Variants in EIF4E3 observed in about 807,000 individuals in gnomAD.
EIF4E3 encodes eukaryotic translation initiation factor 4E type 3.
In EIF4E3, 26 loss-of-function variants were observed where a neutral mutation model predicts 31.7. That is an observed-to-expected ratio of 0.82 (90% CI 0.60 to 1.14). The LOEUF is 1.14. EIF4E3 is among the 50% of genes most tolerant of loss of function. EIF4E3 has a pLI of 0.00. For missense variants in EIF4E3, 304 were observed against 270.9 expected, an observed-to-expected ratio of 1.12 and a Z score of -0.86; for synonymous variants, 128 against 107.7, an observed-to-expected ratio of 1.19 and a Z score of -1.17.
Position 71,725,237 on chromosome 3 carries a change from G to T in EIF4E3, c.131C>A (p.Pro44Gln), listed in dbSNP as rs867490944. ...LQQLSALQPEPGGVPLHSSWT... is the reference protein window; with the variant it reads ...LQQLSALQPEQGGVPLHSSWT... ...GGACGAGTGCAGCGGGACCCCGCCC[G>T]GCTCAGGCTGCAGCGCCGACAGCTG... Residue 44 changes from proline (P) to glutamine (Q), a missense_variant, in exon 1 of 7, where the codon CCG becomes CAG. Pro to Gln is a moderately conservative substitution (Grantham distance 76). Coordinates refer to ENST00000425534, the MANE Select transcript of EIF4E3 (RefSeq NM_001134651.2). This position sits in a 1 kb window ranked among gnomAD's most constrained non-coding sequence, Gnocchi z 6.1. 8.9e-7 allele frequency: 1 copy of T among 1,124,028 alleles called. No homozygotes were observed. Among genetic ancestry groups the T allele is most frequent in the Non-Finnish European group, 1.1e-6 (1 of 914,060 alleles). The allele number at this position is 1,124,028 out of a possible 1,614,324, so 69.6% of individuals were successfully genotyped here. A position where few individuals can be genotyped will look rare whatever the true frequency, so the allele number is the denominator to read the frequency against.
upstream of EIF4E3, chr3:71,725,484 C>CCGCCCGA (rs1559608410): frequency 5.6e-6 from 1 of 179,384 alleles, no homozygotes; most frequent in Non-Finnish European, 7.6e-6. The surrounding 1 kb of genome is among the most constrained non-coding windows in gnomAD (Gnocchi z 6.1). Flanking sequence ...CCCGGGCTAG[C>CCGCCCGA]CGCCCGCCGC....
At position 71,680,323 on chromosome 3, in the gene EIF4E3, A is replaced by C. The variant is rs2048908646; in HGVS notation, c.*4359T>G. The C allele has an allele frequency of 6.6e-6, 1 of 152,224 alleles. No individual in the cohort carries two copies. Among genetic ancestry groups the C allele is most frequent in the Non-Finnish European group, 1.5e-5 (1 of 68,040 alleles). 9.4% of individuals were successfully genotyped at this position (152,224 alleles called of 1,614,324 possible). On this transcript the variant is annotated 3_prime_UTR_variant, in exon 7 of 7. Transcript: ENST00000425534. ...TTGTTAAAAATGCAGATATCCTCCC[A>C]GATTTCTAGTGCTGGGGTCAAGAAA... is the stretch of plus-strand genomic sequence containing the variant.
chr3:71,686,311 A>G (rs913315426), intron 6 of EIF4E3, among the ~76,000 whole-genome samples: 1 of 152,078 alleles, frequency 6.6e-6, no homozygotes, highest in African/African-American at 2.4e-5. Context: ...CATAAGGACT[A>G]AATTCTTCAG....
upstream of EIF4E3, chr3:71,729,210 C>T (rs1254554053): frequency 6.6e-6 from 1 of 152,216 alleles, no homozygotes; most frequent in Non-Finnish European, 1.5e-5. Context: ...ACATCTGCTC[C>T]CTGGGAGTCA....
At chr3:71,744,314 A>G (rs1190757830) in intron 1 of EIF4E3, among the ~76,000 whole-genome samples, 2 of 152,250 alleles carry the variant, frequency 1.3e-5, no homozygotes, top group African/African-American at 2.4e-5. Context: ...AGATAGGTAG[A>G]TGGCAAATAA....
At chr3:71,725,999 C>G (rs2049633372), upstream of EIF4E3, among the ~76,000 whole-genome samples, 1 of 152,002 alleles carries the variant, frequency 6.6e-6, no homozygotes, top group African/African-American at 2.4e-5. This position sits in a 1 kb window ranked among gnomAD's most constrained non-coding sequence, Gnocchi z 6.1. Flanking sequence ...CTCCAGTGCC[C>G]GCGAGTACAG....
chr3:71,713,148 C>G (rs1257829499), intron 1 of EIF4E3, among the ~76,000 whole-genome samples: 1 of 152,176 alleles, frequency 6.6e-6, no homozygotes, highest in East Asian at 1.9e-4. Flanking sequence ...AGCCTCTGAC[C>G]TCCGTTGAAG....
At position 71,675,910 on chromosome 3, in the gene EIF4E3, C is replaced by A. The variant is rs951772797; in HGVS notation, c.*8772G>T. The A allele has an allele frequency of 6.6e-6, 1 of 152,202 alleles. No individual in the cohort carries two copies. The highest frequency in any genetic ancestry group is 2.4e-5 in the African/African-American group (1 of 41,452). The allele number at this position is 152,202 out of a possible 1,614,324, so 9.4% of individuals were successfully genotyped here. A position where few individuals can be genotyped will look rare whatever the true frequency, so the allele number is the denominator to read the frequency against. ...TGCAACTGACTACTGGTGTGACCTT[C>A]GGCAAGTTATTTCACCTCTCTGAAC... On this transcript the variant is annotated 3_prime_UTR_variant, in exon 7 of 7. Transcript: ENST00000425534.
At chr3:71,726,153 C>T (rs2049635845), upstream of EIF4E3, among the ~76,000 whole-genome samples, 1 of 152,162 alleles carries the variant, frequency 6.6e-6, no homozygotes. Flanking sequence ...ATCCCAACCT[C>T]TGGAGCTACC....
rs962560789 is a variant in EIF4E3 at position 71,685,505 on chromosome 3, G to C, written c.629-777C>G. 9.2e-5 allele frequency among the ~76,000 whole-genome samples: 14 copies of C among 152,240 alleles called. No homozygotes were observed. The East Asian group carries it at 2.7e-3, about 29-fold the overall frequency. On this transcript the variant is annotated intron_variant, in intron 6 of 6. Transcript: ENST00000425534. ...AGCCTCTGGAGTAGCTGGGATACAG[G>C]CGTGTGCCACCACGTCCAGCTAATT...
chr3:71,730,943 T>C (rs2049699966), intron 1 of EIF4E3, among the ~76,000 whole-genome samples: 1 of 152,124 alleles, frequency 6.6e-6, no homozygotes, highest in South Asian at 2.1e-4. Flanking sequence ...AGGCTGGTCT[T>C]GAACTCCTGG....
upstream of EIF4E3, among the ~76,000 whole-genome samples, chr3:71,729,699 C>T (rs1299819415): frequency 6.6e-6 from 1 of 152,098 alleles, no homozygotes; most frequent in Non-Finnish European, 1.5e-5. Flanking sequence ...ATATTTGTTG[C>T]ATATCTGCTA....
chr3:71,705,551 T>C (rs920928346), intron 2 of EIF4E3, among the ~76,000 whole-genome samples: 11 of 152,210 alleles, frequency 7.2e-5, no homozygotes, highest in Non-Finnish European at 1.0e-4. Flanking sequence ...TTATAAGAAA[T>C]ACTGGGTAGA....
At chr3:71,690,597 TC>T (rs2049051299) in intron 5 of EIF4E3, among the ~76,000 whole-genome samples, 2 of 152,334 alleles carry the variant, frequency 1.3e-5, no homozygotes, top group South Asian at 4.1e-4. Context: ...CAAGAATTTC[TC>T]CTGACTTCCT....
chr3:71,728,518 C>T (rs956744398), upstream of EIF4E3: 1 of 152,574 alleles, frequency 6.6e-6, no homozygotes, highest in East Asian at 1.9e-4. Flanking sequence ...GGGACTAGAA[C>T]GTGGGTAGCT....
intron 2 of EIF4E3, among the ~76,000 whole-genome samples, chr3:71,705,497 G>A (rs1025720041): frequency 6.6e-6 from 1 of 152,154 alleles, no homozygotes; most frequent in Non-Finnish European, 1.5e-5. Flanking sequence ...ACTTATAGAG[G>A]AAATATGGTT....
chr3:71,667,440 A>G, the EIF4E3 span, among the ~76,000 whole-genome samples: 21 of 152,366 alleles, frequency 1.4e-4, no homozygotes, highest in African/African-American at 4.3e-4. Context: ...GTATTTAAAT[A>G]GGAAGAGAAG....
intron 6 of EIF4E3, among the ~76,000 whole-genome samples, chr3:71,686,229 A>G (rs548936991): frequency 2.3e-3 from 357 of 152,082 alleles, no homozygotes; most frequent in African/African-American, 8.1e-3. Flanking sequence ...AGCTCAAGCG[A>G]TCCACCGGCC....
chr3:71,727,994 T>C (rs2049660523), upstream of EIF4E3, among the ~76,000 whole-genome samples: 1 of 152,236 alleles, frequency 6.6e-6, no homozygotes. Flanking sequence ...TTCTCTCTTT[T>C]TGCTTTGGCT....
Sources: gnomAD v4.1 joint callset for allele counts (sites outside exome capture counted in the v4.1 genomes callset) on GRCh38, gnomAD v4.1.1 for gene constraint, Gnocchi (gnomAD v3.1) non-coding constraint, MANE v1.5 for transcripts, NCBI Gene and HGNC (gene_info 2026-07-23, HGNC 2026-07-21) for gene names.